AKR1A1: variants seen among roughly 807,000 people sequenced by gnomAD.
AKR1A1 encodes the protein aldo-keto reductase family 1 member A1, also known as HEL-S-165mP.
In AKR1A1, 26 loss-of-function variants were observed where a neutral mutation model predicts 39.2. The observed-to-expected ratio is 0.66, with a 90% confidence interval of 0.49 to 0.92. The LOEUF (loss-of-function observed/expected upper bound fraction) is 0.92. Ranked by LOEUF, AKR1A1 falls within the 40% of genes least tolerant of loss-of-function variation. The probability of loss-of-function intolerance (pLI) is 0.00; values close to 1 mark genes in which losing one functional copy is unlikely to be tolerated. For missense variants in AKR1A1, 378 were observed against 406.5 expected, an observed-to-expected ratio of 0.93 and a Z score of 0.60; for synonymous variants, 141 against 155.5, an observed-to-expected ratio of 0.91 and a Z score of 0.69.
intron 4 of AKR1A1, 93 bp from the exon 5 acceptor site, chr1:45,567,889 G>A: frequency 8.1e-7 from 1 of 1,231,728 alleles, no homozygotes; most frequent in Non-Finnish European, 1.1e-6. Context: ...TCCTCTCTGG[G>A]ATTGGAGTTT....
chr1:45,555,209 C>T (rs907676385), intron 1 of AKR1A1, among the ~76,000 whole-genome samples: 1 of 152,070 alleles, frequency 6.6e-6, no homozygotes, highest in Non-Finnish European at 1.5e-5. Flanking sequence ...CAGTATAGGC[C>T]GGGCGTGGTA....
At chr1:45,560,948 C>T (rs1226330856) in intron 1 of AKR1A1, among the ~76,000 whole-genome samples, 5 of 152,138 alleles carry the variant, frequency 3.3e-5, no homozygotes, top group Admixed American at 3.3e-4. Flanking sequence ...AGGATGGTCT[C>T]GATCTCCTGA....
intron 6 of AKR1A1, 121 bp from the exon 7 acceptor site, chr1:45,568,806 G>T (rs748066299): frequency 3.5e-4 from 528 of 1,516,918 alleles, no homozygotes; most frequent in Non-Finnish European, 4.4e-4. Flanking sequence ...GCCACTGTAG[G>T]CATATTTCCC....
intron 6 of AKR1A1, 119 bp downstream of exon 6, chr1:45,568,803 T>A: frequency 6.6e-7 from 1 of 1,516,926 alleles, no homozygotes; most frequent in Non-Finnish European, 9.1e-7. Context: ...GAGGCCACTG[T>A]AGGCATATTT....
At chr1:45,565,012 C>T (rs1034879164) in intron 2 of AKR1A1, among the ~76,000 whole-genome samples, 5 of 150,734 alleles carry the variant, frequency 3.3e-5, no homozygotes, top group African/African-American at 7.3e-5. Context: ...TTAGTAGAGA[C>T]GGTGTTTCAC....
At chr1:45,568,420 G>C in intron 5 of AKR1A1, 65 bp from the exon 6 acceptor site, 1 of 1,570,750 alleles carries the variant, frequency 6.4e-7, no homozygotes, top group Non-Finnish European at 8.7e-7. Flanking sequence ...AGACATGCAT[G>C]TCTGGGATGG....
At chr1:45,559,717 C>T (rs1644253504) in intron 1 of AKR1A1, among the ~76,000 whole-genome samples, 2 of 131,402 alleles carry the variant, frequency 1.5e-5, no homozygotes, top group Non-Finnish European at 3.1e-5. Flanking sequence ...GATCTCAGCT[C>T]ACTGCAACCT....
chr1:45,566,492 C>T, intron 2 of AKR1A1, 77 bp from the exon 3 acceptor site: 1 of 1,580,176 alleles, frequency 6.3e-7, no homozygotes, highest in East Asian at 2.2e-5. Flanking sequence ...CCCCTTCCCC[C>T]AGCATTGACC....
chr1:45,553,191 A>T (rs887365233), intron 1 of AKR1A1, among the ~76,000 whole-genome samples: 1 of 151,738 alleles, frequency 6.6e-6, no homozygotes, highest in African/African-American at 2.4e-5. Flanking sequence ...CGGGAGGCTG[A>T]GGCGGGCAGA....
rs141841941 is a variant in AKR1A1 at position 45,568,629 on chromosome 1, G to A, written c.697G>A (p.Val233Ile). Residue 233 changes from valine to isoleucine, a missense_variant, in exon 6 of 9, where the codon GTA becomes ATA. Val to Ile is a conservative substitution (Grantham distance 29). Coordinates refer to ENST00000351829, the MANE Select transcript of AKR1A1 (RefSeq NM_153326.3). Reference sequence around the variant, plus strand: ...TGAGCCTGTCCTGCTGGAGGAACCAGTAGTCCTGGCATTGGCTGAAAAGTA... The same window carrying A: ...TGAGCCTGTCCTGCTGGAGGAACCAATAGTCCTGGCATTGGCTGAAAAGTA... Reference protein sequence around the residue: ...PDEPVLLEEPVVLALAEKYGR... With the variant: ...PDEPVLLEEPIVLALAEKYGR... 1.5e-4 allele frequency: 247 copies of A among 1,613,942 alleles called. No homozygotes were observed. The highest frequency in any genetic ancestry group is 6.7e-4 in the Middle Eastern group (4 of 5,950).
intron 8 of AKR1A1, 93 bp downstream of exon 8, chr1:45,569,322 AG>A: frequency 2.9e-6 from 3 of 1,036,110 alleles, no homozygotes; most frequent in Non-Finnish European, 4.5e-6. Context: ...GGTTGTGAGA[AG>A]GACACAATGT....
chr1:45,567,137 TGAGG>T, intron 4 of AKR1A1, 117 bp downstream of exon 4: 3 of 1,376,538 alleles, frequency 2.2e-6, no homozygotes, highest in Non-Finnish European at 3.0e-6. Context: ...CATGCCAAGC[TGAGG>T]AGCTTGACAT....
intron 2 of AKR1A1, among the ~76,000 whole-genome samples, chr1:45,565,122 A>ATTT (rs11351880): frequency 4.9e-4 from 26 of 53,588 alleles, no homozygotes; most frequent in East Asian, 6.3e-4. Context: ...ACACCCAGCC[A>ATTT]TTTTTTTTTT....
rs1232589930 is a variant in AKR1A1 at position 45,569,800 on chromosome 1, G to T, written c.913-91G>T. On this transcript the variant is annotated intron_variant, in intron 8 of 8. Transcript: ENST00000351829. ...ATCTGGCATAGTGCTGTACACAGGT[G>T]AGTTTGTTTAGGAAGATTTGGGGAA... is the stretch of plus-strand genomic sequence containing the variant. 3.6e-6 allele frequency: 4 copies of T among 1,123,028 alleles called. No homozygotes were observed. The African/African-American group carries it at 4.6e-5, about 13-fold the overall frequency. 69.6% of individuals were successfully genotyped at this position (1,123,028 alleles called of 1,614,324 possible).
chr1:45,557,060 C>T (rs987113932), intron 1 of AKR1A1, among the ~76,000 whole-genome samples: 2 of 143,352 alleles, frequency 1.4e-5, no homozygotes, highest in African/African-American at 5.2e-5. Context: ...CGTGGTGGCA[C>T]ATGCCTGTAA....
At chr1:45,551,803 G>A (rs2148286626) in intron 1 of AKR1A1, among the ~76,000 whole-genome samples, 1 of 152,250 alleles carries the variant, frequency 6.6e-6, no homozygotes, top group Middle Eastern at 3.4e-3. Flanking sequence ...TTTTTGCCGA[G>A]TATAGTAAAG....
At chr1:45,559,678 C>G (rs1280184049) in intron 1 of AKR1A1, among the ~76,000 whole-genome samples, 1 of 118,698 alleles carries the variant, frequency 8.4e-6, no homozygotes, top group African/African-American at 3.2e-5. Context: ...GAGTCTCCCT[C>G]TGTCACCCAG....
At chr1:45,559,379 G>A (rs899641407) in intron 1 of AKR1A1, among the ~76,000 whole-genome samples, 5 of 152,090 alleles carry the variant, frequency 3.3e-5, no homozygotes, top group Admixed American at 6.6e-5. Flanking sequence ...AAATTTACTT[G>A]TATCTGTAAT....
chr1:45,556,819 G>C (rs1644211303), intron 1 of AKR1A1, among the ~76,000 whole-genome samples: 1 of 152,078 alleles, frequency 6.6e-6, no homozygotes, highest in Non-Finnish European at 1.5e-5. Flanking sequence ...GGAGGTTGTG[G>C]TGAGCCAAGA....
Sources: allele counts gnomAD v4.1 joint callset (sites outside exome capture counted in the v4.1 genomes callset), GRCh38; gene constraint gnomAD v4.1.1; transcripts MANE v1.5; gene names NCBI Gene and HGNC (gene_info 2026-07-23, HGNC 2026-07-21).